The following CCDC171 variants were observed in gnomAD, a reference collection of about 807,000 sequenced individuals.
CCDC171 encodes the protein coiled-coil domain-containing protein 171.
Under a neutral mutation model 168.2 loss-of-function variants are expected in CCDC171, and 177 were observed. The ratio of observed to expected loss-of-function variants is 1.05; its 90% CI spans 0.93 to 1.19. CCDC171 has a LOEUF of 1.19. Ranked by LOEUF, CCDC171 falls within the 50% of genes most tolerant of loss-of-function variation. The probability of loss-of-function intolerance (pLI) is 0.00; values close to 1 mark genes in which losing one functional copy is unlikely to be tolerated. For missense variants in CCDC171, 1,991 were observed against 1,539.0 expected, an observed-to-expected ratio of 1.29 and a Z score of -4.91; for synonymous variants, 687 against 540.8, an observed-to-expected ratio of 1.27 and a Z score of -3.75.
intron 1 of CCDC171, among the ~76,000 whole-genome samples, chr9:16,053,537 A>C (rs148452570): frequency 1.3e-5 from 2 of 152,364 alleles, no homozygotes; most frequent in Admixed American, 6.5e-5. Flanking sequence ...ATGAGGGTGC[A>C]TGGCACATAG....
chr9:15,747,533 G>A lies in CCDC171; in HGVS notation c.2671+1902G>A, dbSNP rs551647031. 3.0e-4 allele frequency among the ~76,000 whole-genome samples: 45 copies of A among 152,316 alleles called. 1 individual carries two copies. The South Asian group carries it at 7.5e-3, about 25-fold the overall frequency. The stretch of plus-strand genomic sequence containing the variant: ...TGGCATCTGGCAGGTGCCCCTCTGG[G>A]ACGAAGCTTCCAGAGGAAGGATCAG... On this transcript the variant is annotated intron_variant, in intron 18 of 25. Coordinates refer to ENST00000380701, the MANE Select transcript of CCDC171 (RefSeq NM_173550.4).
chr9:15,908,326 T>C (rs903042526), intron 24 of CCDC171, among the ~76,000 whole-genome samples: 3 of 152,142 alleles, frequency 2.0e-5, no homozygotes, highest in Admixed American at 6.5e-5. Context: ...TATGCAGCCA[T>C]AAAAAATGAT....
rs1421497586 is a variant in CCDC171, at chr9:15,691,544, TTTTATATA to T, written c.1216-3689_1216-3682del. Reference sequence around the variant, plus strand: ...TTAAAAATACCTGTAAATATATGTTTTTTATATATATATATATATATATATATGTACAC... The same window carrying T: ...TTAAAAATACCTGTAAATATATGTTTTATATATATATATATATATGTACAC... On this transcript the variant is annotated intron_variant, in intron 10 of 25. Transcript: ENST00000380701. Among the ~76,000 whole-genome samples the T allele has an allele frequency of 1.0e-4, 9 of 87,756 alleles. No homozygotes were observed. The South Asian group carries it at 1.3e-3, about 13-fold the overall frequency. 57.6% of individuals were successfully genotyped at this position (87,756 alleles called of 152,430 possible).
chr9:15,584,602 GGTA>G (rs2041407690), intron 4 of CCDC171, among the ~76,000 whole-genome samples: 1 of 152,154 alleles, frequency 6.6e-6, no homozygotes, highest in South Asian at 2.1e-4. Flanking sequence ...TACTTTCAGA[GGTA>G]GTAGGTCAGA....
intron 24 of CCDC171, among the ~76,000 whole-genome samples, chr9:15,910,541 C>T (rs1044482620): frequency 1.3e-5 from 2 of 151,952 alleles, no homozygotes; most frequent in Non-Finnish European, 2.9e-5. Context: ...ATTGCTTTGG[C>T]TATTAGGGCT....
At chr9:15,895,212 A>G (rs924502887) in intron 24 of CCDC171, among the ~76,000 whole-genome samples, 20 of 152,138 alleles carry the variant, frequency 1.3e-4, no homozygotes, top group Admixed American at 9.8e-4. Flanking sequence ...GTAAGAGATT[A>G]TGTATGCCAT....
chr9:15,896,745 G>T (rs1429671364), intron 24 of CCDC171, among the ~76,000 whole-genome samples: 2 of 151,990 alleles, frequency 1.3e-5, no homozygotes, highest in Non-Finnish European at 2.9e-5. Flanking sequence ...GTTACACATT[G>T]TTTTTACCAT....
At chr9:15,679,686 A>G (rs1392279403) in intron 10 of CCDC171, among the ~76,000 whole-genome samples, 1 of 152,056 alleles carries the variant, frequency 6.6e-6, no homozygotes, top group East Asian at 1.9e-4. Context: ...AGTAGCTGAG[A>G]CTGCAGATGT....
chr9:16,033,496 T>C (rs939963665), intron 6 of CCDC171, among the ~76,000 whole-genome samples: 1 of 152,230 alleles, frequency 6.6e-6, no homozygotes. Flanking sequence ...TAATGCTTGA[T>C]GATCTGTCTC....
chr9:16,084,766 T>C, the CCDC171 span, among the ~76,000 whole-genome samples: 1 of 152,090 alleles, frequency 6.6e-6, no homozygotes, highest in Non-Finnish European at 1.5e-5. Flanking sequence ...TTGGGTGTCA[T>C]CTAACCCAAT....
chr9:15,832,442 A>G (rs2060272811), intron 21 of CCDC171, among the ~76,000 whole-genome samples: 1 of 152,236 alleles, frequency 6.6e-6, no homozygotes, highest in Admixed American at 6.5e-5. Flanking sequence ...ACCCTTCTAC[A>G]CACATAGGCT....
the CCDC171 span, among the ~76,000 whole-genome samples, chr9:16,087,691 CT>C: frequency 6.7e-6 from 1 of 149,828 alleles, no homozygotes; most frequent in Admixed American, 6.7e-5. Flanking sequence ...GGTCTTGACT[CT>C]TTATCCAATT....
intron 6 of CCDC171, among the ~76,000 whole-genome samples, chr9:16,023,129 T>C (rs1306580983): frequency 6.6e-6 from 1 of 152,070 alleles, no homozygotes; most frequent in Admixed American, 6.5e-5. Context: ...AGTCTCACTC[T>C]GTCGCCCAGG....
At position 15,724,833 on chromosome 9, in the gene CCDC171, T is replaced by A. The variant is rs1564289347; in HGVS notation, c.1549T>A (p.Cys517Ser). 3 of 1,613,882 alleles carry A rather than the reference T, an allele frequency of 1.9e-6. No homozygotes were observed. Among genetic ancestry groups the A allele is most frequent in the Non-Finnish European group, 2.5e-6 (3 of 1,179,806 alleles). The change falls in exon 14 of 26, where the codon TGT (cysteine) becomes AGT (serine). Residue 517 changes from cysteine (C) to serine (S), a missense_variant. Coordinates refer to ENST00000380701, the MANE Select transcript of CCDC171 (RefSeq NM_173550.4). ...NKELSHLHTK[C>S]ADREALISTL... ...AGAGTTAAGTCATTTACACACTAAA[T>A]GTGCAGACCGAGAGGCTTTAATAAG...
intron 3 of CCDC171, among the ~76,000 whole-genome samples, chr9:15,998,406 A>G (rs1832436362): frequency 1.3e-5 from 2 of 152,152 alleles, no homozygotes; most frequent in African/African-American, 4.8e-5. Flanking sequence ...TGGATCTCCT[A>G]GTCAGATGCT....
the CCDC171 span, among the ~76,000 whole-genome samples, chr9:16,087,301 CGTT>C: frequency 6.6e-6 from 1 of 152,058 alleles, no homozygotes; most frequent in South Asian, 2.1e-4. Flanking sequence ...TTTTCTGTCT[CGTT>C]GTTCTGTCTA....
chr9:15,664,683 A>G (rs1209376357), intron 8 of CCDC171, among the ~76,000 whole-genome samples: 5 of 149,156 alleles, frequency 3.4e-5, no homozygotes, highest in Non-Finnish European at 5.9e-5. Flanking sequence ...GGACACAGGG[A>G]ATATAGTTTT....
rs368362525 is a variant in CCDC171 at position 15,729,650 on chromosome 9, C to T, written c.1901C>T (p.Thr634Met). ...LEYICKNKSD[T>M]MRELQQTQED... ...TATATCTGTAAAAACAAGTCTGACACGATGAGAGAGCTTCAGCAGACTCAG... is the reference window on the plus strand; with the variant it reads ...TATATCTGTAAAAACAAGTCTGACATGATGAGAGAGCTTCAGCAGACTCAG... The change falls in exon 16 of 26, where the codon ACG becomes ATG. Residue 634 changes from threonine to methionine, a missense_variant. By Grantham distance (81) the Thr-to-Met change is moderately conservative. Coordinates refer to ENST00000380701, the MANE Select transcript of CCDC171 (RefSeq NM_173550.4). The T allele has an allele frequency of 2.0e-5, 32 of 1,612,740 alleles. No homozygotes were observed. In the East Asian group the frequency reaches 4.7e-4, roughly 24 times the overall value.
upstream of CCDC171, among the ~76,000 whole-genome samples, chr9:16,039,537 G>T (rs753923626): frequency 7.2e-5 from 11 of 152,202 alleles, no homozygotes; most frequent in Non-Finnish European, 1.2e-4. Flanking sequence ...TCACGGAACA[G>T]TCTAATTTCC....
Sources: allele counts gnomAD v4.1 joint callset (sites outside exome capture counted in the v4.1 genomes callset), GRCh38; gene constraint gnomAD v4.1.1; transcripts MANE v1.5; gene names NCBI Gene and HGNC (gene_info 2026-07-23, HGNC 2026-07-21).